The following BIN3 variants were observed in gnomAD, a reference collection of about 807,000 sequenced individuals.
BIN3 encodes bridging integrator 3.
Under a neutral mutation model 38.2 loss-of-function variants are expected in BIN3, and 41 were observed. The observed-to-expected ratio is 1.07, with a 90% confidence interval of 0.84 to 1.39. The LOEUF is 1.39. Among genes scored for constraint, BIN3 ranks in the 40% most tolerant of loss-of-function variants. BIN3 has a pLI of 0.00. For synonymous variants in BIN3, 145 were observed against 122.6 expected (o/e 1.18, Z -1.21); for missense variants, 361 against 324.3 (o/e 1.11, Z -0.87).
At chr8:22,643,180 A>G (rs1802615932) in intron 2 of BIN3, among the ~76,000 whole-genome samples, 1 of 152,134 alleles carries the variant, frequency 6.6e-6, no homozygotes, top group Non-Finnish European at 1.5e-5. Context: ...ACACCTTCCC[A>G]CTTCCTGCAG....
intron 2 of BIN3, among the ~76,000 whole-genome samples, chr8:22,639,904 C>T (rs576994367): frequency 6.6e-6 from 1 of 152,258 alleles, no homozygotes; most frequent in East Asian, 1.9e-4. Flanking sequence ...TCTTGTCACC[C>T]AGGCTACAGG....
intron 1 of BIN3, among the ~76,000 whole-genome samples, chr8:22,653,189 G>C (rs1486960587): frequency 6.6e-6 from 1 of 152,078 alleles, no homozygotes; most frequent in Non-Finnish European, 1.5e-5. Flanking sequence ...TTTGAATTTT[G>C]TTATCTTTGT....
At position 22,644,742 on chromosome 8, in the gene BIN3, T is replaced by G. The variant is rs961193610; in HGVS notation, c.57+13A>C. ...AGAACTGAATCTCACAGCAAAACAATCGAGTTACTCACTGTTTTGGGCACA... is the reference window on the plus strand; with the variant it reads ...AGAACTGAATCTCACAGCAAAACAAGCGAGTTACTCACTGTTTTGGGCACA... On this transcript the variant is annotated intron_variant, in intron 2 of 8. Coordinates refer to ENST00000276416, the MANE Select transcript of BIN3 (RefSeq NM_018688.6). 9 of 1,610,118 alleles carry G rather than the reference T, an allele frequency of 5.6e-6. No homozygotes were observed. The highest frequency in any genetic ancestry group is 7.6e-6 in the Non-Finnish European group (9 of 1,177,996).
intron 6 of BIN3, among the ~76,000 whole-genome samples, chr8:22,628,052 C>T (rs973297214): frequency 2.6e-5 from 4 of 152,100 alleles, no homozygotes; most frequent in Middle Eastern, 3.2e-3. Context: ...ATGGGAGGGG[C>T]GAAGAGGAGA....
chr8:22,658,084 GGAA>G (rs1468549383), intron 1 of BIN3, among the ~76,000 whole-genome samples: 18 of 152,332 alleles, frequency 1.2e-4, no homozygotes, highest in Admixed American at 2.0e-4. Flanking sequence ...TCTGAGTTCT[GGAA>G]GAAATTAAGA....
chr8:22,658,580 C>T (rs1803133038), intron 1 of BIN3, among the ~76,000 whole-genome samples: 1 of 152,194 alleles, frequency 6.6e-6, no homozygotes, highest in South Asian at 2.1e-4. Context: ...AAAGGCAGGC[C>T]CAGATGGCAG....
intron 6 of BIN3, among the ~76,000 whole-genome samples, chr8:22,627,768 C>T (rs1424761832): frequency 1.3e-5 from 2 of 152,246 alleles, no homozygotes; most frequent in African/African-American, 4.8e-5. Flanking sequence ...TGTGAGGAAA[C>T]AGCCTCCGAG....
rs570628445 is a variant in BIN3, at chr8:22,623,189, G to C, written c.615+726C>G. On this transcript the variant is annotated intron_variant, in intron 8 of 8. Transcript: ENST00000276416. Reference sequence around the variant, plus strand: ...CATCAGCAGGGTCCTGTGTGGAAGGGACCCGCTTCTGGCATGGGTGCCCAC... The same window carrying C: ...CATCAGCAGGGTCCTGTGTGGAAGGCACCCGCTTCTGGCATGGGTGCCCAC... Among the ~76,000 whole-genome samples the C allele has an allele frequency of 4.1e-3, 620 of 152,366 alleles. 5 individuals are homozygous for C. The highest frequency in any genetic ancestry group is 0.014 in the African/African-American group (590 of 41,584).
At chr8:22,636,853 G>A (rs1262628155) in intron 3 of BIN3, 69 bp downstream of exon 3, 3 of 1,533,390 alleles carry the variant, frequency 2.0e-6, no homozygotes, top group Non-Finnish European at 1.8e-6. Flanking sequence ...GGGGCAGACA[G>A]GTGAGACCTG....
chr8:22,623,812 T>C (rs1801918629), intron 8 of BIN3, 103 bp downstream of exon 8: 2 of 1,409,988 alleles, frequency 1.4e-6, no homozygotes, highest in African/African-American at 2.9e-5. Flanking sequence ...GTGGGTGCCC[T>C]GTCTTTACGG....
intron 6 of BIN3, among the ~76,000 whole-genome samples, chr8:22,628,660 G>A (rs1305354169): frequency 6.6e-6 from 1 of 152,230 alleles, no homozygotes; most frequent in Non-Finnish European, 1.5e-5. Context: ...AAACTGAGGT[G>A]GGAGTCAGTT....
chr8:22,668,971 C>T (rs1055871947), intron 1 of BIN3, 73 bp downstream of exon 1: 2 of 1,541,282 alleles, frequency 1.3e-6, no homozygotes, highest in African/African-American at 1.4e-5. Flanking sequence ...AGCCGGGACG[C>T]GGCACTGACA....
At chr8:22,636,991 G>T in intron 2 of BIN3, 29 bp from the exon 3 acceptor site, 1 of 1,607,360 alleles carries the variant, frequency 6.2e-7, no homozygotes, top group South Asian at 1.1e-5. Context: ...CTCAATTATC[G>T]GAGAAATGAC....
rs1371833412 is a variant in BIN3, at chr8:22,621,372, G to A, written c.*50C>T. 2 of 1,578,726 alleles carry A rather than the reference G, an allele frequency of 1.3e-6. No homozygotes were observed. Among genetic ancestry groups the A allele is most frequent in the South Asian group, 1.2e-5 (1 of 86,816 alleles). ...AGCAGCTAGCCCTGAGAAGGGCAAG[G>A]ATGAATGAGGCTGACCACGTCACAG... On this transcript the variant is annotated 3_prime_UTR_variant, in exon 9 of 9. Transcript: ENST00000276416.
At chr8:22,665,671 G>A (rs1323506910) in intron 1 of BIN3, among the ~76,000 whole-genome samples, 3 of 152,240 alleles carry the variant, frequency 2.0e-5, no homozygotes, top group Non-Finnish European at 4.4e-5. Flanking sequence ...AGCAGGAGAA[G>A]CTTGGAGGAT....
chr8:22,630,793 C>A (rs527848066), intron 4 of BIN3, among the ~76,000 whole-genome samples: 38 of 152,290 alleles, frequency 2.5e-4, no homozygotes, highest in Admixed American at 2.3e-3. Flanking sequence ...CCAGACAATT[C>A]TTTTGAGCCG....
chr8:22,641,617 T>C (rs1212578916), intron 2 of BIN3, among the ~76,000 whole-genome samples: 1 of 152,148 alleles, frequency 6.6e-6, no homozygotes, highest in African/African-American at 2.4e-5. Context: ...GTAGGTATGT[T>C]CTAGCAGGAT....
rs547958560 is a variant in BIN3 at position 22,656,554 on chromosome 8, T to C, written c.9-11751A>G. Among the ~76,000 whole-genome samples, 12 of 152,370 alleles carry C rather than the reference T, an allele frequency of 7.9e-5. No individual in the cohort carries two copies. In the South Asian group the frequency reaches 2.5e-3, roughly 32 times the overall value. Reference sequence around the variant, plus strand: ...AAAATTCATCTTTTTCCCCAACATTTACACCTATTTATTGCCTTATGTTAT... The same window carrying C: ...AAAATTCATCTTTTTCCCCAACATTCACACCTATTTATTGCCTTATGTTAT... On this transcript the variant is annotated intron_variant, in intron 1 of 8. Coordinates refer to ENST00000276416, the MANE Select transcript of BIN3 (RefSeq NM_018688.6).
rs1803435261 is a variant in BIN3, at chr8:22,666,776, ACCATGGG to A, written c.8+2261_8+2267del. Reference sequence around the variant, plus strand: ...CCAGAACAATGGTTACCCTCTGGGGACCATGGGCCATGTGCCTTATTTAATGATGGCT... The same window carrying A: ...CCAGAACAATGGTTACCCTCTGGGGACCATGTGCCTTATTTAATGATGGCT... On this transcript the variant is annotated intron_variant, in intron 1 of 8. Transcript: ENST00000276416. Among the ~76,000 whole-genome samples the A allele has an allele frequency of 4.6e-5, 7 of 152,348 alleles. No homozygotes were observed. In the South Asian group the frequency reaches 1.4e-3, roughly 32 times the overall value.
Sources: allele counts gnomAD v4.1 joint callset (sites outside exome capture counted in the v4.1 genomes callset), GRCh38; gene constraint gnomAD v4.1.1; transcripts MANE v1.5; gene names NCBI Gene and HGNC (gene_info 2026-07-23, HGNC 2026-07-21).